XRCC5: variants seen among roughly 807,000 people sequenced by gnomAD.
XRCC5 encodes the protein X-ray repair cross complementing 5, also known as DNA repair protein Ku80.
In XRCC5, 12 loss-of-function variants were observed where a neutral mutation model predicts 95.7. The observed-to-expected ratio is 0.13, with a 90% CI of 0.08 to 0.20. XRCC5 has a LOEUF of 0.20. Ranked by LOEUF, XRCC5 falls within the 10% of genes least tolerant of loss-of-function variation. The probability of loss-of-function intolerance (pLI) is 1.00; values close to 1 mark genes in which losing one functional copy is unlikely to be tolerated. For missense variants in XRCC5, 595 were observed against 873.9 expected, an observed-to-expected ratio of 0.68 and a Z score of 4.02; for synonymous variants, 281 against 290.3, an observed-to-expected ratio of 0.97 and a Z score of 0.33.
At chr2:216,168,483 A>G (rs1689094031) in intron 16 of XRCC5, among the ~76,000 whole-genome samples, 1 of 152,218 alleles carries the variant, frequency 6.6e-6, no homozygotes, top group Admixed American at 6.5e-5. Flanking sequence ...AATCATTTTA[A>G]GTATTTTCAT....
intron 10 of XRCC5, among the ~76,000 whole-genome samples, chr2:216,136,029 G>A (rs1296852706): frequency 6.6e-6 from 1 of 152,098 alleles, no homozygotes; most frequent in Admixed American, 6.6e-5. Context: ...CAGCTAGCAG[G>A]CAGTCTAAGT....
intron 14 of XRCC5, among the ~76,000 whole-genome samples, chr2:216,154,910 A>C (rs1175497831): frequency 1.3e-5 from 2 of 152,212 alleles, no homozygotes; most frequent in Non-Finnish European, 2.9e-5. Context: ...TTCATAATCC[A>C]ACTATCTAGA....
chr2:216,169,864 T>C (rs1330501347), intron 16 of XRCC5, among the ~76,000 whole-genome samples: 1 of 121,980 alleles, frequency 8.2e-6, no homozygotes, highest in East Asian at 2.1e-4. Flanking sequence ...GGCAACATGG[T>C]GAAACTAAAA....
rs1697095692 is a variant in XRCC5 at position 216,137,075 on chromosome 2, T to C, written c.1114-13T>C. 1 of 1,611,310 alleles carries C rather than the reference T, an allele frequency of 6.2e-7. No individual in the cohort carries two copies. The highest frequency in any genetic ancestry group is 1.3e-5 in the African/African-American group (1 of 74,832). Reference sequence around the variant, plus strand: ...TGTTGAATATGTGTTAATACATCCATCTTTCTTACCAGGCAGCTGCAGTTG... The same window carrying C: ...TGTTGAATATGTGTTAATACATCCACCTTTCTTACCAGGCAGCTGCAGTTG... On this transcript the variant is annotated splice_polypyrimidine_tract_variant and intron_variant, in intron 10 of 20. Coordinates refer to ENST00000392132, the MANE Select transcript of XRCC5 (RefSeq NM_021141.4).
chr2:216,126,161 T>A, intron 7 of XRCC5, 130 bp downstream of exon 7: 1 of 696,874 alleles, frequency 1.4e-6, no homozygotes, highest in Non-Finnish European at 2.3e-6. Context: ...TTCTCCCTGC[T>A]CATTTAATCT....
intron 10 of XRCC5, among the ~76,000 whole-genome samples, chr2:216,136,186 G>A (rs1697070695): frequency 6.6e-6 from 1 of 151,766 alleles, no homozygotes; most frequent in African/African-American, 2.4e-5. Context: ...GAGAAACCTC[G>A]TCTCTACTAA....
chr2:216,147,207 G>A (rs1688652872), intron 13 of XRCC5, among the ~76,000 whole-genome samples: 1 of 152,130 alleles, frequency 6.6e-6, no homozygotes. Flanking sequence ...TGACTCTTGA[G>A]GTTTAGGGAA....
chr2:216,161,525 T>G (rs1345568595), intron 15 of XRCC5, among the ~76,000 whole-genome samples: 1 of 152,232 alleles, frequency 6.6e-6, no homozygotes, highest in Non-Finnish European at 1.5e-5. Context: ...TCAGCAGCAG[T>G]CCCACTAATG....
At chr2:216,139,081 C>T (rs180915555) in intron 12 of XRCC5, among the ~76,000 whole-genome samples, 2 of 152,164 alleles carry the variant, frequency 1.3e-5, no homozygotes, top group Admixed American at 1.3e-4. Context: ...ATGGAAGTTG[C>T]CACTGTATTA....
At chr2:216,160,321 A>G (rs554839811) in intron 15 of XRCC5, among the ~76,000 whole-genome samples, 160 bp downstream of exon 15, 8 of 152,192 alleles carry the variant, frequency 5.3e-5, no homozygotes, top group Non-Finnish European at 1.2e-4. Flanking sequence ...GACCCATTCC[A>G]TACTTCTTTA....
intron 8 of XRCC5, 27 bp downstream of exon 8, chr2:216,127,701 G>A: frequency 1.3e-6 from 2 of 1,565,804 alleles, no homozygotes; most frequent in Non-Finnish European, 1.7e-6. Flanking sequence ...TTTCACTGTT[G>A]CCTAAAAGAC....
chr2:216,177,848 A>G (rs1055382482), intron 16 of XRCC5, among the ~76,000 whole-genome samples: 5 of 152,186 alleles, frequency 3.3e-5, no homozygotes, highest in African/African-American at 7.2e-5. Context: ...CTCTGTGTCT[A>G]ATTATTCTGA....
At chr2:216,118,738 C>T (rs971063815) in intron 4 of XRCC5, among the ~76,000 whole-genome samples, 1 of 152,116 alleles carries the variant, frequency 6.6e-6, no homozygotes, top group Admixed American at 6.5e-5. Flanking sequence ...TGGGAGAATT[C>T]TTTGTTTACA....
intron 16 of XRCC5, among the ~76,000 whole-genome samples, chr2:216,179,902 G>A (rs1230412220): frequency 6.6e-6 from 1 of 152,154 alleles, no homozygotes; most frequent in Non-Finnish European, 1.5e-5. Context: ...AGAAGGCTTC[G>A]GCGTTAATCC....
Position 216,172,998 on chromosome 2 carries a change from T to A in XRCC5, c.1834+10950T>A, listed in dbSNP as rs968520408. Among the ~76,000 whole-genome samples the A allele has an allele frequency of 2.6e-5, 4 of 152,302 alleles. No individual in the cohort carries two copies. The East Asian group carries it at 7.7e-4, about 29-fold the overall frequency. On this transcript the variant is annotated intron_variant, in intron 16 of 20. Coordinates refer to ENST00000392132, the MANE Select transcript of XRCC5 (RefSeq NM_021141.4). ...TATTGCCAAGTATTCTTTTTGATGA[T>A]GTTGTGAGTGGAATTGTTTTTTAAT...
chr2:216,149,239 G>A (rs1688696972), intron 14 of XRCC5, among the ~76,000 whole-genome samples: 1 of 152,004 alleles, frequency 6.6e-6, no homozygotes, highest in Non-Finnish European at 1.5e-5. Context: ...AAATTGAATA[G>A]AAAGTTGTGC....
chr2:216,202,759 A>G (rs1051099708), intron 19 of XRCC5, among the ~76,000 whole-genome samples: 4 of 152,196 alleles, frequency 2.6e-5, no homozygotes, highest in African/African-American at 7.2e-5. Context: ...TAACTGAGGG[A>G]AAAAAAGTCC....
At chr2:216,133,891 AG>A (rs1697030432) in intron 10 of XRCC5, among the ~76,000 whole-genome samples, 1 of 152,188 alleles carries the variant, frequency 6.6e-6, no homozygotes, top group South Asian at 2.1e-4. Context: ...TTGTGTAGGT[AG>A]GCAGGGGTGT....
At chr2:216,199,808 A>ATTTTTTTTTTTTTTTTTTTTTTTTTTTTT (rs879564899) in intron 19 of XRCC5, among the ~76,000 whole-genome samples, 1 of 121,890 alleles carries the variant, frequency 8.2e-6, no homozygotes, top group Non-Finnish European at 1.6e-5. Flanking sequence ...TGGCATTGGG[A>ATTTTTTTTTTTTTTTTTTTTTTTTTTTTT]TCTTTTTTTT....
Sources: allele counts gnomAD v4.1 joint callset (sites outside exome capture counted in the v4.1 genomes callset), GRCh38; gene constraint gnomAD v4.1.1; transcripts MANE v1.5; gene names NCBI Gene and HGNC (gene_info 2026-07-23, HGNC 2026-07-21).